The following WDR35 variants were observed in gnomAD, a reference collection of about 807,000 sequenced individuals.
WDR35 encodes WD repeat-containing protein 35.
Under a neutral mutation model 158.3 loss-of-function variants are expected in WDR35, and 118 were observed. The observed-to-expected ratio is 0.75, with a 90% CI of 0.64 to 0.87. The LOEUF (loss-of-function observed/expected upper bound fraction) is 0.87. Ranked by LOEUF, WDR35 falls within the 40% of genes least tolerant of loss-of-function variation. The pLI is 0.00. For synonymous variants in WDR35, 448 were observed against 476.1 expected (o/e 0.94, Z 0.77); for missense variants, 1,263 against 1,405.8 (o/e 0.90, Z 1.62).
intron 11 of WDR35, among the ~76,000 whole-genome samples, chr2:19,955,614 T>C (rs1195532886): frequency 6.6e-6 from 1 of 152,202 alleles, no homozygotes; most frequent in Admixed American, 6.5e-5. Context: ...ATACTACCTG[T>C]TTTCTAAATT....
chr2:19,974,366 G>A lies in WDR35; in HGVS notation c.736+102C>T. 2.5e-6 allele frequency: 3 copies of A among 1,202,266 alleles called. No individual in the cohort carries two copies. In the South Asian group the frequency reaches 4.7e-5, roughly 19 times the overall value. The allele number at this position is 1,202,266 out of a possible 1,614,324, so 74.5% of individuals were successfully genotyped here. On this transcript the variant is annotated intron_variant, in intron 7 of 26. Coordinates refer to ENST00000281405, the MANE Select transcript of WDR35 (RefSeq NM_020779.4). The stretch of plus-strand genomic sequence containing the variant: ...AGAAGTTGCCGTGAGCCAAGATCGT[G>A]CCACTGCACTCCAGCCTGGGCGACA...
At chr2:19,964,289 T>C (rs1201321812) in intron 10 of WDR35, among the ~76,000 whole-genome samples, 1 of 152,022 alleles carries the variant, frequency 6.6e-6, no homozygotes, top group Admixed American at 6.6e-5. Context: ...TCAAGGAAAA[T>C]TTTCTTGAAT....
Position 19,930,689 on chromosome 2 carries a change from T to C in WDR35, c.2965-137A>G. On this transcript the variant is annotated intron_variant, in intron 24 of 26. Transcript: ENST00000281405. Reference sequence around the variant, plus strand: ...AAACTATGATTACAGACTTTTTTTTTTAAGAGATGAGGTATTACTCTGTCA... The same window carrying C: ...AAACTATGATTACAGACTTTTTTTTCTAAGAGATGAGGTATTACTCTGTCA... 9 of 1,307,216 alleles carry C rather than the reference T, an allele frequency of 6.9e-6. No homozygotes were observed. The South Asian group carries it at 1.1e-4, about 17-fold the overall frequency. The allele number at this position is 1,307,216 out of a possible 1,614,324, so 81.0% of individuals were successfully genotyped here. A position where few individuals can be genotyped will look rare whatever the true frequency, so the allele number is the denominator to read the frequency against.
chr2:19,941,882 T>C lies in WDR35; in HGVS notation c.1846-43A>G, dbSNP rs202060049. The C allele has an allele frequency of 5.1e-6, 7 of 1,375,606 alleles. No individual in the cohort carries two copies. The East Asian group carries it at 1.5e-4, about 29-fold the overall frequency. The allele number at this position is 1,375,606 out of a possible 1,614,324, so 85.2% of individuals were successfully genotyped here. ...AAGTTATGTTTCATTATGCAAAATT[T>C]CCTCTCTTTTAACAAATCATGCTTT... On this transcript the variant is annotated intron_variant, in intron 16 of 26. Coordinates refer to ENST00000281405, the MANE Select transcript of WDR35 (RefSeq NM_020779.4).
chr2:19,951,677 T>C (rs1671240170), intron 12 of WDR35, 193 bp from the exon 13 acceptor site: 2 of 483,474 alleles, frequency 4.1e-6, no homozygotes, highest in Admixed American at 3.6e-5. Flanking sequence ...TTACTAGTTA[T>C]ATAAATGATA....
At chr2:19,948,453 A>G (rs980371849) in intron 13 of WDR35, among the ~76,000 whole-genome samples, 5 of 152,184 alleles carry the variant, frequency 3.3e-5, no homozygotes, top group African/African-American at 1.2e-4. Context: ...TGAACTAAAC[A>G]CCTCATTGCA....
At chr2:19,964,278 G>A (rs1255053708) in intron 10 of WDR35, among the ~76,000 whole-genome samples, 1 of 151,672 alleles carries the variant, frequency 6.6e-6, no homozygotes, top group Non-Finnish European at 1.5e-5. Flanking sequence ...AATCCAGAAC[G>A]TCAAGGAAAA....
At chr2:19,953,763 T>C (rs771643402) in intron 12 of WDR35, 71 bp downstream of exon 12, 25 of 1,599,566 alleles carry the variant, frequency 1.6e-5, no homozygotes, top group Admixed American at 5.0e-5. Flanking sequence ...AGCATGACAA[T>C]TTACAATTAC....
At position 19,974,651 on chromosome 2, in the gene WDR35, G is replaced by C. The variant is rs1672148881; in HGVS notation, c.571-18C>G. On this transcript the variant is annotated intron_variant, in intron 6 of 26. Coordinates refer to ENST00000281405, the MANE Select transcript of WDR35 (RefSeq NM_020779.4). ...ATTTTTATCTAAATAAAATTGGTTA[G>C]GTTTAATATTTTACATTTTAAAACA... 1 of 1,607,824 alleles carries C rather than the reference G, an allele frequency of 6.2e-7. No homozygotes were observed. The highest frequency in any genetic ancestry group is 1.3e-5 in the African/African-American group (1 of 74,632).
chr2:19,974,302 G>A (rs528190114), intron 7 of WDR35, among the ~76,000 whole-genome samples, 166 bp downstream of exon 7: 6 of 151,654 alleles, frequency 4.0e-5, no homozygotes, highest in Admixed American at 6.6e-5. Context: ...CCAGCTACTC[G>A]GGAGGCTGAG....
rs1339249596 is a variant in WDR35 at position 19,990,036 on chromosome 2, C to G, written c.-21G>C. 6.2e-7 allele frequency: 1 copy of G among 1,613,614 alleles called. No homozygotes were observed. The highest frequency in any genetic ancestry group is 1.1e-5 in the South Asian group (1 of 90,924). ...AACATCGTGGGATCCCCGAGAGGGT[C>G]ACGGCGGCCGCTAAGGCCCTCGACA... is the stretch of plus-strand genomic sequence containing the variant. On this transcript the variant is annotated 5_prime_UTR_variant, in exon 1 of 27. Transcript: ENST00000281405.
Position 19,938,274 on chromosome 2 carries a change from G to T in WDR35, c.2054C>A (p.Pro685His). ...TGCTTTTTTTAAATACCAAAGTCGG[G>T]GGTGTGGATTGTCCTCTATGAACTG... ...ASQFIEDNPH[P>H]RLWRLLAEAA... The change falls in exon 18 of 27, where the codon CCC becomes CAC. Residue 685 changes from proline to histidine, a missense_variant. Coordinates refer to ENST00000281405, the MANE Select transcript of WDR35 (RefSeq NM_020779.4). The T allele has an allele frequency of 6.2e-7, 1 of 1,613,984 alleles. No individual in the cohort carries two copies. Among genetic ancestry groups the T allele is most frequent in the South Asian group, 1.1e-5 (1 of 91,074 alleles).
chr2:19,987,950 CTTTCT>C (rs928982262), intron 2 of WDR35, among the ~76,000 whole-genome samples: 1 of 148,772 alleles, frequency 6.7e-6, no homozygotes, highest in African/African-American at 2.5e-5. Context: ...CAGAGAAAAA[CTTTCT>C]TTTAACACAG....
chr2:19,968,765 A>G (rs1320519345), intron 9 of WDR35, among the ~76,000 whole-genome samples: 1 of 152,222 alleles, frequency 6.6e-6, no homozygotes, highest in Non-Finnish European at 1.5e-5. Context: ...TACCAGGTCA[A>G]TCTCACATTT....
chr2:19,966,084 G>A (rs1671842365), intron 10 of WDR35, among the ~76,000 whole-genome samples: 1 of 152,122 alleles, frequency 6.6e-6, no homozygotes, highest in Non-Finnish European at 1.5e-5. Context: ...GCAAGTTTCA[G>A]GAGAGAACAC....
At chr2:19,955,185 C>T (rs568232512) in intron 11 of WDR35, among the ~76,000 whole-genome samples, 68 of 152,266 alleles carry the variant, frequency 4.5e-4, no homozygotes, top group Middle Eastern at 3.4e-3. Flanking sequence ...CTCTTGACCT[C>T]ACCATCTGCC....
chr2:19,974,744 C>T, intron 6 of WDR35, 111 bp from the exon 7 acceptor site: 1 of 1,103,244 alleles, frequency 9.1e-7, no homozygotes, highest in Non-Finnish European at 1.3e-6. Flanking sequence ...GTCTAAAAAT[C>T]AGGTGGCAAA....
chr2:19,960,645 A>G, intron 10 of WDR35, 31 bp from the exon 11 acceptor site: 1 of 1,498,928 alleles, frequency 6.7e-7, no homozygotes. Flanking sequence ...AAGTATCAGA[A>G]CTCCTGCTTA....
At chr2:19,914,454 T>G (rs903744008) in intron 25 of WDR35, among the ~76,000 whole-genome samples, 177 bp from the exon 26 acceptor site, 5 of 152,148 alleles carry the variant, frequency 3.3e-5, no homozygotes, top group African/African-American at 1.2e-4. Flanking sequence ...ATATCCAAGG[T>G]TCTGTGAAGC....
Sources: allele counts gnomAD v4.1 joint callset (sites outside exome capture counted in the v4.1 genomes callset), GRCh38; gene constraint gnomAD v4.1.1; transcripts MANE v1.5; gene names NCBI Gene and HGNC (gene_info 2026-07-23, HGNC 2026-07-21).